TNFAIP8: variants seen among roughly 807,000 people sequenced by gnomAD.
TNFAIP8 encodes tumor necrosis factor alpha-induced protein 8.
A neutral mutation model predicts 13.3 loss-of-function variants in TNFAIP8; 7 were observed. The observed-to-expected ratio is 0.52, with a 90% CI of 0.30 to 0.99. TNFAIP8 has a LOEUF of 0.99. TNFAIP8 is among the 50% of genes least tolerant of loss of function. The pLI is 0.07. For synonymous variants in TNFAIP8, 94 were observed against 87.6 expected, an observed-to-expected ratio of 1.07 and a Z score of -0.41; for missense variants, 258 against 236.9, an observed-to-expected ratio of 1.09 and a Z score of -0.58.
At chr5:119,298,311 A>G (rs1242910551) in intron 1 of TNFAIP8, among the ~76,000 whole-genome samples, 52 of 151,978 alleles carry the variant, frequency 3.4e-4, no homozygotes, top group Admixed American at 1.4e-3. Context: ...GGTGGTGACA[A>G]AATCTCTCAG....
chr5:119,317,156 C>T (rs551274420), intron 1 of TNFAIP8, among the ~76,000 whole-genome samples: 23 of 152,308 alleles, frequency 1.5e-4, no homozygotes, highest in Admixed American at 3.3e-4. Flanking sequence ...TCATGGAGGC[C>T]TGTCCTTGTG....
At chr5:119,390,498 A>G (rs1168731118) in intron 1 of TNFAIP8, among the ~76,000 whole-genome samples, 1 of 152,244 alleles carries the variant, frequency 6.6e-6, no homozygotes, top group Non-Finnish European at 1.5e-5. Flanking sequence ...TAAATGATAA[A>G]AACATAAAAC....
chr5:119,323,360 C>G (rs866495863), intron 1 of TNFAIP8, among the ~76,000 whole-genome samples: 1 of 152,154 alleles, frequency 6.6e-6, no homozygotes, highest in South Asian at 2.1e-4. Context: ...TCGGAAATAT[C>G]TGCCTCCCTC....
chr5:119,318,238 G>A (rs10066380), intron 1 of TNFAIP8, among the ~76,000 whole-genome samples: 58,633 of 151,428 alleles, frequency 0.39, 11,526 homozygotes, highest in East Asian at 0.49. Context: ...CTTTAAACGG[G>A]GATTTCAAGT....
At chr5:119,387,948 A>G (rs1752742725) in intron 1 of TNFAIP8, among the ~76,000 whole-genome samples, 1 of 152,194 alleles carries the variant, frequency 6.6e-6, no homozygotes, top group Admixed American at 6.5e-5. Context: ...ACACAAGTGA[A>G]TTGATCTTAA....
intron 1 of TNFAIP8, among the ~76,000 whole-genome samples, chr5:119,314,879 T>C (rs1270082338): frequency 6.6e-6 from 1 of 152,192 alleles, no homozygotes. Context: ...AACCACTTAC[T>C]ACAAGTTACC....
At chr5:119,392,696 C>T (rs1752937004) in intron 1 of TNFAIP8, 120 bp from the exon 2 acceptor site, 2 of 1,229,986 alleles carry the variant, frequency 1.6e-6, no homozygotes, top group South Asian at 3.2e-5. Context: ...AGATGTAAGA[C>T]AAACCACAAA....
chr5:119,386,897 T>C (rs1273951648), intron 1 of TNFAIP8, among the ~76,000 whole-genome samples: 1 of 152,198 alleles, frequency 6.6e-6, no homozygotes, highest in Non-Finnish European at 1.5e-5. Context: ...CCATGGTCGT[T>C]GCTTCTGACC....
At chr5:119,297,686 G>A (rs1273776682) in intron 1 of TNFAIP8, among the ~76,000 whole-genome samples, 1 of 152,160 alleles carries the variant, frequency 6.6e-6, no homozygotes. Context: ...TTGTTGATCT[G>A]TCTAATGTTG....
At chr5:119,350,005 C>T (rs919976910) in intron 1 of TNFAIP8, among the ~76,000 whole-genome samples, 5 of 152,182 alleles carry the variant, frequency 3.3e-5, no homozygotes, top group Admixed American at 2.6e-4. Context: ...GTTTTGTGAC[C>T]TTGAGCAAAT....
intron 1 of TNFAIP8, among the ~76,000 whole-genome samples, chr5:119,294,513 G>A (rs570508651): frequency 2.0e-5 from 3 of 152,266 alleles, no homozygotes; most frequent in Admixed American, 6.5e-5. Flanking sequence ...ACATACGTGT[G>A]CATGTGTCTT....
chr5:119,382,538 T>C (rs1752524738), intron 1 of TNFAIP8, among the ~76,000 whole-genome samples: 1 of 152,168 alleles, frequency 6.6e-6, no homozygotes, highest in Non-Finnish European at 1.5e-5. Flanking sequence ...AGCAGAACGT[T>C]TACAGTATCT....
intron 1 of TNFAIP8, among the ~76,000 whole-genome samples, chr5:119,375,524 T>C (rs1167782123): frequency 1.3e-5 from 2 of 152,232 alleles, no homozygotes; most frequent in Non-Finnish European, 2.9e-5. Context: ...AGAGAAGTAA[T>C]TAATCTTCAA....
intron 1 of TNFAIP8, among the ~76,000 whole-genome samples, chr5:119,356,672 A>G (rs151204694): frequency 1.3e-5 from 2 of 151,940 alleles, no homozygotes; most frequent in East Asian, 3.9e-4. Context: ...GGGGGCTGAA[A>G]GATATGAGGG....
intron 1 of TNFAIP8, among the ~76,000 whole-genome samples, chr5:119,344,313 A>C (rs140968792): frequency 1.2e-3 from 189 of 152,236 alleles, no homozygotes; most frequent in African/African-American, 4.2e-3. Context: ...CTTTTAAAGA[A>C]CCAGCTCTCG....
At chr5:119,353,060 A>G (rs1751233188), upstream of TNFAIP8, among the ~76,000 whole-genome samples, 1 of 152,226 alleles carries the variant, frequency 6.6e-6, no homozygotes, top group Non-Finnish European at 1.5e-5. Flanking sequence ...AAATTTAAGT[A>G]CAGTTTGTTA....
chr5:119,397,282 A>G lies in TNFAIP8; in HGVS notation c.*3901A>G, dbSNP rs1163617065. The stretch of plus-strand genomic sequence containing the variant: ...TGTATATAAGCAGTTGCAATTTAGC[A>G]TACAAAACCTGACAAATGGTAAATA... On this transcript the variant is annotated 3_prime_UTR_variant, in exon 2 of 2. Transcript: ENST00000504771. 1 of 152,202 alleles carries G rather than the reference A, an allele frequency of 6.6e-6. No homozygotes were observed. Among genetic ancestry groups the G allele is most frequent in the African/African-American group, 2.4e-5 (1 of 41,448 alleles). 9.4% of individuals were successfully genotyped at this position (152,202 alleles called of 1,614,324 possible).
At chr5:119,301,471 C>T (rs560807729) in intron 1 of TNFAIP8, among the ~76,000 whole-genome samples, 1 of 152,206 alleles carries the variant, frequency 6.6e-6, no homozygotes, top group Non-Finnish European at 1.5e-5. Flanking sequence ...GCAGCTGCTT[C>T]TTTCCCTGGG....
At chr5:119,371,475 G>T (rs971868360) in intron 1 of TNFAIP8, among the ~76,000 whole-genome samples, 1 of 152,094 alleles carries the variant, frequency 6.6e-6, no homozygotes, top group African/African-American at 2.4e-5. Context: ...TGCCCTCACC[G>T]TTCTTTTCCA....
Sources: allele counts gnomAD v4.1 joint callset (sites outside exome capture counted in the v4.1 genomes callset), GRCh38; gene constraint gnomAD v4.1.1; transcripts MANE v1.5; gene names NCBI Gene and HGNC (gene_info 2026-07-23, HGNC 2026-07-21).